Variants in CNST observed in about 807,000 individuals in gnomAD.
CNST encodes the protein consortin, connexin sorting protein, also known as consortin.
Under a neutral mutation model 72.4 loss-of-function variants are expected in CNST, and 39 were observed. The ratio of observed to expected loss-of-function variants is 0.54; its 90% confidence interval spans 0.42 to 0.70. The LOEUF (loss-of-function observed/expected upper bound fraction) is 0.70. CNST is among the 30% of genes least tolerant of loss of function. The pLI is 0.00. For missense variants in CNST, 871 were observed against 868.5 expected (o/e 1.00, Z -0.04); for synonymous variants, 332 against 320.1 (o/e 1.04, Z -0.40).
At chr1:246,644,079 A>T (rs1665887288) in intron 8 of CNST, among the ~76,000 whole-genome samples, 1 of 152,116 alleles carries the variant, frequency 6.6e-6, no homozygotes, top group African/African-American at 2.4e-5. Context: ...ACTGTTCTGT[A>T]CCTTTTCAGT....
intron 6 of CNST, among the ~76,000 whole-genome samples, chr1:246,641,123 T>C (rs1163896349): frequency 6.6e-6 from 1 of 152,252 alleles, no homozygotes; most frequent in Non-Finnish European, 1.5e-5. Flanking sequence ...TCTTGTTCCA[T>C]GTTGTTGCAT....
At chr1:246,622,263 C>T (rs896544351) in intron 3 of CNST, among the ~76,000 whole-genome samples, 4 of 152,212 alleles carry the variant, frequency 2.6e-5, no homozygotes, top group Admixed American at 6.5e-5. Context: ...ACAGAGATTA[C>T]TTGGCAGAAT....
chr1:246,637,814 T>C (rs1324016049), intron 6 of CNST, among the ~76,000 whole-genome samples: 2 of 152,122 alleles, frequency 1.3e-5, no homozygotes, highest in Non-Finnish European at 2.9e-5. Flanking sequence ...GTATACATGA[T>C]GAGAGTTTGT....
chr1:246,629,011 T>G (rs1427437339), intron 3 of CNST, among the ~76,000 whole-genome samples: 1 of 152,120 alleles, frequency 6.6e-6, no homozygotes, highest in Non-Finnish European at 1.5e-5. Context: ...AGTCTCTCTG[T>G]TTTTTTTATT....
intron 9 of CNST, among the ~76,000 whole-genome samples, chr1:246,652,896 C>G (rs373622009): frequency 8.1e-6 from 1 of 123,460 alleles, no homozygotes; most frequent in Admixed American, 8.6e-5. Context: ...CCCAGCTACT[C>G]GGGAGGCTGA....
chr1:246,660,612 C>A (rs1477215134), intron 10 of CNST, among the ~76,000 whole-genome samples: 1 of 152,112 alleles, frequency 6.6e-6, no homozygotes, highest in East Asian at 1.9e-4. Context: ...GTAATCCCAG[C>A]TACTCAGGAG....
At chr1:246,585,699 ACACACACACAC>A (rs1220611256) in intron 1 of CNST, among the ~76,000 whole-genome samples, 71 of 143,006 alleles carry the variant, frequency 5.0e-4, no homozygotes, top group African/African-American at 2.0e-3. Context: ...ACACACACAC[ACACACACACAC>A]ACTATATATG....
intron 2 of CNST, among the ~76,000 whole-genome samples, chr1:246,605,409 T>G (rs1184030925): frequency 2.0e-5 from 3 of 152,182 alleles, no homozygotes; most frequent in African/African-American, 7.2e-5. Context: ...GGCTCACGCC[T>G]GCAAGGCTCT....
chr1:246,568,844 C>T (rs1314612075), intron 1 of CNST, among the ~76,000 whole-genome samples: 3 of 152,230 alleles, frequency 2.0e-5, no homozygotes. Context: ...GCTGGGATTA[C>T]AGGCGTGAGC....
chr1:246,632,173 G>A, intron 4 of CNST: 1 of 353,236 alleles, frequency 2.8e-6, no homozygotes, highest in East Asian at 4.9e-5. Context: ...ACTAAAATAA[G>A]TATTTGTATT....
rs374040103 is a variant in CNST, at chr1:246,598,660, G to A, written c.379+6719G>A. ...AGCTGGCCTCTAAATCAGCTTTATG[G>A]AGACAATTGGGTAATATCTGTACTG... On this transcript the variant is annotated intron_variant, in intron 2 of 10. Transcript: ENST00000366513. Among the ~76,000 whole-genome samples, 109 of 152,254 alleles carry A rather than the reference G, an allele frequency of 7.2e-4. 1 individual carries two copies. Among genetic ancestry groups the A allele is most frequent in the African/African-American group, 2.5e-3 (105 of 41,544 alleles).
intron 9 of CNST, among the ~76,000 whole-genome samples, chr1:246,658,507 C>T (rs1373053900): frequency 6.6e-6 from 1 of 152,032 alleles, no homozygotes; most frequent in Non-Finnish European, 1.5e-5. Flanking sequence ...TATAGACCCA[C>T]ATTCAGGGAA....
At chr1:246,640,296 A>G (rs753649676) in intron 6 of CNST, among the ~76,000 whole-genome samples, 2 of 152,200 alleles carry the variant, frequency 1.3e-5, no homozygotes, top group East Asian at 3.8e-4. Context: ...TCAACTTGCT[A>G]ATGTTTATGT....
chr1:246,579,101 G>T (rs1315038682), intron 1 of CNST, among the ~76,000 whole-genome samples: 4 of 152,156 alleles, frequency 2.6e-5, no homozygotes. Context: ...TCTATAAAGT[G>T]ATTTATTTGA....
intron 9 of CNST, among the ~76,000 whole-genome samples, chr1:246,659,477 C>T (rs1256405286): frequency 6.6e-6 from 1 of 152,106 alleles, no homozygotes; most frequent in Non-Finnish European, 1.5e-5. Context: ...TGCCTGTAGT[C>T]CCAGCTACCC....
intron 6 of CNST, among the ~76,000 whole-genome samples, chr1:246,636,875 C>T (rs1318606547): frequency 2.0e-5 from 3 of 152,176 alleles, no homozygotes; most frequent in African/African-American, 7.2e-5. Flanking sequence ...AGGATTGTTG[C>T]ATCTTTCCTC....
In CNST at chr1:246,591,593, C is replaced by T; in HGVS notation, c.31C>T (p.Leu11=). Residue 11 remains leucine (L), a synonymous_variant, in exon 2 of 11, where the codon CTG becomes TTG. Transcript: ENST00000366513. MDDSDTPTYY[L]QIEPQDGCHP... ...TGACAGCGATACTCCTACATATTAT[C>T]TGCAAATAGAACCACAAGATGGATG... The T allele has an allele frequency of 2.5e-6, 4 of 1,614,048 alleles. No individual in the cohort carries two copies. Among genetic ancestry groups the T allele is most frequent in the Non-Finnish European group, 3.4e-6 (4 of 1,179,906 alleles).
At chr1:246,620,283 G>A (rs1572188745) in intron 2 of CNST, among the ~76,000 whole-genome samples, 1 of 9,942 alleles carries the variant, frequency 1.0e-4, no homozygotes, top group Non-Finnish European at 2.6e-4. Context: ...GGCTTCAGTC[G>A]TGCATACACA....
chr1:246,660,140 T>G (rs1667007569), intron 9 of CNST, 59 bp from the exon 10 acceptor site: 1 of 1,447,472 alleles, frequency 6.9e-7, no homozygotes, highest in Non-Finnish European at 9.4e-7. Context: ...TTTTTATAGC[T>G]ACATGTAGAG....
Sources: gnomAD v4.1 joint callset for allele counts (sites outside exome capture counted in the v4.1 genomes callset) on GRCh38, gnomAD v4.1.1 for gene constraint, MANE v1.5 for transcripts, NCBI Gene and HGNC (gene_info 2026-07-23, HGNC 2026-07-21) for gene names.